SUGP1: variants seen among roughly 807,000 people sequenced by gnomAD.
The protein encoded by SUGP1 is SURP and G-patch domain containing 1.
SUGP1 carries 34 observed loss-of-function variants against 76.5 expected under a neutral mutation model. The observed-to-expected ratio is 0.44, with a 90% CI of 0.34 to 0.59. The LOEUF (loss-of-function observed/expected upper bound fraction) is 0.59. SUGP1 is among the 20% of genes least tolerant of loss of function. SUGP1 has a pLI of 0.01. For missense variants in SUGP1, 752 were observed against 851.7 expected (o/e 0.88, Z 1.46); for synonymous variants, 326 against 326.2 (o/e 1.00, Z 0.01).
intron 4 of SUGP1, among the ~76,000 whole-genome samples, chr19:19,304,291 C>T (rs760427371): frequency 6.6e-6 from 1 of 152,152 alleles, no homozygotes; most frequent in African/African-American, 2.4e-5. Context: ...CTAGTGTCAT[C>T]ATAGAAGCTC....
chr19:19,291,671 C>T (rs1162847550), intron 8 of SUGP1, among the ~76,000 whole-genome samples: 2 of 151,990 alleles, frequency 1.3e-5, no homozygotes, highest in East Asian at 3.9e-4. Context: ...GGGTGGATCA[C>T]GAGGTCAGGA....
chr19:19,289,443 A>G (rs2061165235), intron 8 of SUGP1, among the ~76,000 whole-genome samples: 1 of 151,564 alleles, frequency 6.6e-6, no homozygotes, highest in African/African-American at 2.4e-5. Context: ...TTCTACTAAA[A>G]ATACAAAAAT....
chr19:19,309,464 A>G (rs1418293333), intron 3 of SUGP1, among the ~76,000 whole-genome samples: 2 of 152,158 alleles, frequency 1.3e-5, no homozygotes, highest in Non-Finnish European at 2.9e-5. Context: ...AGCCTGAGCA[A>G]GAGTGAGGCC....
chr19:19,304,442 C>T (rs1391098231), intron 4 of SUGP1, among the ~76,000 whole-genome samples: 2 of 152,140 alleles, frequency 1.3e-5, no homozygotes, highest in Admixed American at 1.3e-4. Context: ...CCAGAGCCAG[C>T]CACTTCTCCA....
intron 8 of SUGP1, among the ~76,000 whole-genome samples, chr19:19,283,066 G>C (rs1008323172): frequency 7.4e-6 from 1 of 135,954 alleles, no homozygotes; most frequent in Non-Finnish European, 1.5e-5. Context: ...GACAGAGTGA[G>C]ACTCCATCTC....
intron 8 of SUGP1, among the ~76,000 whole-genome samples, chr19:19,289,050 C>G (rs1228862623): frequency 6.6e-6 from 1 of 151,878 alleles, no homozygotes; most frequent in Non-Finnish European, 1.5e-5. Context: ...TTCCAAAGTG[C>G]TGGGATTACA....
Position 19,279,226 on chromosome 19 carries a change from C to T in SUGP1, c.1515G>A (p.Met505Ile), listed in dbSNP as rs1331432714. ...TGCCCCACATACCCCTGGTCTTATC[C>T]ATCTCCATGCGCCGCAGCTGGTGCT... Reference protein sequence around the residue: ...TWEHQLRRMEMDKTREWAEQL... With the variant: ...TWEHQLRRMEIDKTREWAEQL... Residue 505 changes from methionine to isoleucine, a missense_variant, in exon 10 of 14, where the codon ATG becomes ATA. By Grantham distance (10) the Met-to-Ile change is conservative (BLOSUM62 1). Around this residue, in one of 2 missense-constraint regions of SUGP1, gnomAD observed 132 missense variants for 234.4 expected, o/e 0.56. Transcript: ENST00000247001. 1 of 1,607,162 alleles carries T rather than the reference C, an allele frequency of 6.2e-7. No homozygotes were observed. Among genetic ancestry groups the T allele is most frequent in the Non-Finnish European group, 8.5e-7 (1 of 1,178,768 alleles).
rs1358977887 is a variant in SUGP1 at position 19,277,852 on chromosome 19, ACT to A, written c.1661_1662del (p.Glu554ValfsTer53). 1.2e-6 allele frequency: 2 copies of A among 1,613,668 alleles called. No individual in the cohort carries two copies. The highest frequency in any genetic ancestry group is 8.5e-7 in the Non-Finnish European group (1 of 1,179,908). On this transcript the variant is annotated frameshift_variant, in exon 12 of 14. Transcript: ENST00000247001. LOFTEE classifies it high-confidence loss of function. The stretch of plus-strand genomic sequence containing the variant: ...TCCACAGTCAGCTTGAACTCCTTGT[ACT>A]CTGAGTAGTCAGGCTCACGGCCCTC... ...LKEGREPDYS[E>X]YKEFKLTVEN... is the part of the protein sequence containing the mutation.
At chr19:19,314,652 A>T (rs1021184006) in intron 2 of SUGP1, among the ~76,000 whole-genome samples, 2 of 152,212 alleles carry the variant, frequency 1.3e-5, no homozygotes, top group Non-Finnish European at 2.9e-5. Context: ...GGTAGGGACA[A>T]GGAAAGACAA....
At chr19:19,314,085 C>CA (rs2061373371) in intron 2 of SUGP1, among the ~76,000 whole-genome samples, 1 of 151,930 alleles carries the variant, frequency 6.6e-6, no homozygotes, top group Non-Finnish European at 1.5e-5. Context: ...CGCAGTGAGC[C>CA]AAGATCACAC....
intron 3 of SUGP1, among the ~76,000 whole-genome samples, chr19:19,306,527 A>G (rs777579229): frequency 1.8e-4 from 28 of 152,222 alleles, no homozygotes; most frequent in Non-Finnish European, 3.4e-4. Flanking sequence ...AGCCTTCCTC[A>G]TTCTAGGATG....
intron 2 of SUGP1, among the ~76,000 whole-genome samples, chr19:19,314,144 AAAATAAATAAATAAAT>A (rs57753588): frequency 4.8e-4 from 70 of 147,180 alleles, no homozygotes; most frequent in African/African-American, 1.8e-3. Flanking sequence ...CTCAAAAAAT[AAAATAAATAAATAAAT>A]AAATAAATAA....
At chr19:19,320,032 A>T (rs2146637268) in intron 1 of SUGP1, among the ~76,000 whole-genome samples, 1 of 152,336 alleles carries the variant, frequency 6.6e-6, no homozygotes, top group East Asian at 1.9e-4. Flanking sequence ...TGAGGGTCAA[A>T]AGACGCGGGA....
At chr19:19,288,194 G>T (rs1039375771) in intron 8 of SUGP1, among the ~76,000 whole-genome samples, 1 of 151,924 alleles carries the variant, frequency 6.6e-6, no homozygotes, top group African/African-American at 2.4e-5. Flanking sequence ...GCTCTGTTTG[G>T]ACCCTCTGTC....
At chr19:19,296,880 G>T in intron 8 of SUGP1, 109 bp downstream of exon 8, 1 of 987,726 alleles carries the variant, frequency 1.0e-6, no homozygotes, top group Non-Finnish European at 1.4e-6. Context: ...GGCCACAGAA[G>T]GAATGAAATT....
At chr19:19,286,828 G>A (rs528628806) in intron 8 of SUGP1, among the ~76,000 whole-genome samples, 70 of 152,342 alleles carry the variant, frequency 4.6e-4, no homozygotes, top group African/African-American at 1.7e-3. Context: ...TGGATCACCT[G>A]AGGTCAAGAG....
At chr19:19,303,090 C>T (rs1193382793) in intron 6 of SUGP1, among the ~76,000 whole-genome samples, 1 of 152,180 alleles carries the variant, frequency 6.6e-6, no homozygotes, top group African/African-American at 2.4e-5. Flanking sequence ...CTCCCAGAAG[C>T]GACCTCGACC....
intron 8 of SUGP1, among the ~76,000 whole-genome samples, chr19:19,291,812 G>T (rs1345454391): frequency 6.6e-6 from 1 of 151,702 alleles, no homozygotes; most frequent in Admixed American, 6.6e-5. Context: ...AGAATGGCGT[G>T]AACCTGGGAG....
chr19:19,314,956 A>G (rs530052220), intron 2 of SUGP1, among the ~76,000 whole-genome samples: 8 of 150,648 alleles, frequency 5.3e-5, no homozygotes, highest in Non-Finnish European at 1.0e-4. Flanking sequence ...ATCGCTTGAA[A>G]CTTGGAGGCA....
Sources: allele counts gnomAD v4.1 joint callset (sites outside exome capture counted in the v4.1 genomes callset), GRCh38; gene constraint gnomAD v4.1.1; regional missense constraint gnomAD v4.1.1; transcripts MANE v1.5; gene names NCBI Gene and HGNC (gene_info 2026-07-23, HGNC 2026-07-21).